Variants in CLUH observed in about 807,000 individuals in gnomAD.
The protein encoded by CLUH is CLUH binding protein of NUMT mRNA, also known as clustered mitochondria protein homolog.
Under a neutral mutation model 139.3 loss-of-function variants are expected in CLUH, and 77 were observed. The ratio of observed to expected loss-of-function variants is 0.55; its 90% confidence interval spans 0.46 to 0.67. The LOEUF is 0.67. Ranked by LOEUF, CLUH falls within the 30% of genes least tolerant of loss-of-function variation. The probability of loss-of-function intolerance (pLI) is 0.00; values close to 1 mark genes in which losing one functional copy is unlikely to be tolerated. For missense variants in CLUH, 1,876 were observed against 1,875.8 expected, an observed-to-expected ratio of 1.00 and a Z score of 0.00; for synonymous variants, 999 against 801.6, an observed-to-expected ratio of 1.25 and a Z score of -4.16.
chr17:2,696,223 C>T lies in CLUH; in HGVS notation c.2327G>A (p.Arg776Gln), dbSNP rs372428349. 1.7e-5 allele frequency: 27 copies of T among 1,576,406 alleles called. No individual in the cohort carries two copies. Among genetic ancestry groups the T allele is most frequent in the African/African-American group, 8.1e-5 (6 of 74,116 alleles). Residue 776 changes from arginine to glutamine, a missense_variant, in exon 13 of 26, where the codon CGG becomes CAG. Arg to Gln is a conservative substitution (Grantham distance 43, BLOSUM62 1). Coordinates refer to ENST00000651024, the MANE Select transcript of CLUH (RefSeq NM_001366661.1). ...GTCCTTCAGCAGCTGCTTCTGGTCC[C>T]GAACTTCATCCTGGCAGGACTCAGG... ...RFPESCQDEVRDQKQLLKDAA... is the reference protein window; with the variant it reads ...RFPESCQDEVQDQKQLLKDAA...
rs944923887 is a variant in CLUH, at chr17:2,696,198, G to A, written c.2352C>T (p.Asp784=). The change falls in exon 13 of 26, where the codon GAC becomes GAT. Residue 784 remains aspartate, a synonymous_variant. Coordinates refer to ENST00000651024, the MANE Select transcript of CLUH (RefSeq NM_001366661.1). ...EVRDQKQLLK[D]AAAFLLSCQI... Reference sequence around the variant, plus strand: ...GGCAGGAGAGCAGGAAGGCAGCCGCGTCCTTCAGCAGCTGCTTCTGGTCCC... The same window carrying A: ...GGCAGGAGAGCAGGAAGGCAGCCGCATCCTTCAGCAGCTGCTTCTGGTCCC... 89 of 1,573,958 alleles carry A rather than the reference G, an allele frequency of 5.7e-5. No homozygotes were observed. The highest frequency in any genetic ancestry group is 7.5e-5 in the Non-Finnish European group (87 of 1,160,460).
chr17:2,708,981 G>A lies in CLUH; in HGVS notation c.100+2581C>T, dbSNP rs569709598. ...TCTGAGGATGTGAGCTTTAGGGGAG[G>A]GGAAAAGGAGGTCTTCTGCAGAGCG... On this transcript the variant is annotated intron_variant, in intron 1 of 25. Transcript: ENST00000651024. Among the ~76,000 whole-genome samples, 165 of 152,288 alleles carry A rather than the reference G, an allele frequency of 1.1e-3. 1 individual carries two copies. The highest frequency in any genetic ancestry group is 2.1e-3 in the Non-Finnish European group (145 of 68,030).
In CLUH at chr17:2,703,402, G is replaced by A. The variant is rs770812924; in HGVS notation, c.391C>T (p.Leu131=). 2.5e-6 allele frequency: 4 copies of A among 1,613,670 alleles called. No homozygotes were observed. In the South Asian group the frequency reaches 3.3e-5, roughly 13 times the overall value. The change falls in exon 3 of 26, where the codon CTG becomes TTG. Residue 131 remains leucine, a synonymous_variant. Coordinates refer to ENST00000651024, the MANE Select transcript of CLUH (RefSeq NM_001366661.1). This position sits in a 1 kb window ranked among gnomAD's most constrained non-coding sequence, Gnocchi z 4.2. ...AAGTGGTCCAGCACGTTGCCATCCA[G>A]GTGCAGTGAGAAGCAGGTGCGGTGA... ...TCHRTCFSLH[L]DGNVLDHFSE... is the part of the protein sequence containing the mutation.
intron 16 of CLUH, 58 bp from the exon 17 acceptor site, chr17:2,694,622 G>T: frequency 1.4e-6 from 2 of 1,393,066 alleles, no homozygotes; most frequent in Non-Finnish European, 9.8e-7. Flanking sequence ...CCCCAACACC[G>T]CCCCACCCAG....
Position 2,707,404 on chromosome 17 carries a change from CCT to C in CLUH, c.101-2842_101-2841del. 1.0e-6 allele frequency: 1 copy of C among 985,426 alleles called. No individual in the cohort carries two copies. The highest frequency in any genetic ancestry group is 1.2e-6 in the Non-Finnish European group (1 of 829,916). The allele number at this position is 985,426 out of a possible 1,614,324, so 61.0% of individuals were successfully genotyped here. A position where few individuals can be genotyped will look rare whatever the true frequency, so the allele number is the denominator to read the frequency against. On this transcript the variant is annotated intron_variant, in intron 1 of 25. Transcript: ENST00000651024. The surrounding 1 kb of genome is among the most constrained non-coding windows in gnomAD (Gnocchi z 7.4). Reference sequence around the variant, plus strand: ...GCAGCCCCAGGAAGGGCACACTCCCCCTGCCTGGCATCCCGCTCAAGGTCGGC... The same window carrying C: ...GCAGCCCCAGGAAGGGCACACTCCCCGCCTGGCATCCCGCTCAAGGTCGGC...
rs761774207 is a variant in CLUH at position 2,692,490 on chromosome 17, C to A, written c.3439-8G>T. On this transcript the variant is annotated splice_polypyrimidine_tract_variant and splice_region_variant and intron_variant, in intron 21 of 25. Transcript: ENST00000651024. ...CACCAGCCCGATGTTGTTCTGGGGG[C>A]AGGCGGTGGGGGGCCCTGGTCAGCT... is the stretch of plus-strand genomic sequence containing the variant. 2.0e-5 allele frequency: 32 copies of A among 1,596,876 alleles called. No individual in the cohort carries two copies. The highest frequency in any genetic ancestry group is 2.7e-5 in the Non-Finnish European group (32 of 1,175,100).
In CLUH at chr17:2,696,858, ATTTTCCAGGGAGG is replaced by A. The variant is rs774150886; in HGVS notation, c.2033_2045del (p.Ser678LeufsTer34). On this transcript the variant is annotated frameshift_variant, in exon 11 of 26. Coordinates refer to ENST00000651024, the MANE Select transcript of CLUH (RefSeq NM_001366661.1). LOFTEE classifies it high-confidence loss of function. Reference sequence around the variant, plus strand: ...TGGACTCCAAGGAGGAAGGACCACCATTTTCCAGGGAGGAGGGGGTCTCCAGCTGGCTGGCGTT... The same window carrying A: ...TGGACTCCAAGGAGGAAGGACCACCAAGGGGGTCTCCAGCTGGCTGGCGTT... 1.2e-5 allele frequency: 19 copies of A among 1,613,406 alleles called. No individual in the cohort carries two copies. In the African/African-American group the frequency reaches 2.0e-4, roughly 17 times the overall value.
At chr17:2,699,452 G>A (rs564168953) in intron 9 of CLUH, among the ~76,000 whole-genome samples, 9 of 151,992 alleles carry the variant, frequency 5.9e-5, no homozygotes, top group African/African-American at 1.7e-4. Context: ...CCAGCCTCCC[G>A]AGTAGCTGGG....
rs771069678 is a variant in CLUH, at chr17:2,694,075, G to A, written c.3092-36C>T. ...CCCCCAGGGGTGGCAAGGTCAGGAC[G>A]GGCCATGGGGAACCCCCACCTCCAC... is the stretch of plus-strand genomic sequence containing the variant. On this transcript the variant is annotated intron_variant, in intron 18 of 25. Coordinates refer to ENST00000651024, the MANE Select transcript of CLUH (RefSeq NM_001366661.1). The A allele has an allele frequency of 3.9e-5, 63 of 1,613,708 alleles. 1 individual carries two copies. The Middle Eastern group carries it at 6.6e-4, about 17-fold the overall frequency.
Position 2,707,361 on chromosome 17 carries a change from G to T in CLUH, c.101-2797C>A. 1 of 985,350 alleles carries T rather than the reference G, an allele frequency of 1.0e-6. No homozygotes were observed. The highest frequency in any genetic ancestry group is 4.7e-5 in the South Asian group (1 of 21,284). The allele number at this position is 985,350 out of a possible 1,614,324, so 61.0% of individuals were successfully genotyped here. On this transcript the variant is annotated intron_variant, in intron 1 of 25. Coordinates refer to ENST00000651024, the MANE Select transcript of CLUH (RefSeq NM_001366661.1). This position sits in a 1 kb window ranked among gnomAD's most constrained non-coding sequence, Gnocchi z 7.4. ...GCTCCGGCTGGCTTCGGGTTTCAGT[G>T]GGGCCAGGCCTGCCATGGCAGCCCC...
At position 2,690,489 on chromosome 17, in the gene CLUH, G is replaced by T; in HGVS notation, c.*105C>A. 1.9e-6 allele frequency: 2 copies of T among 1,038,252 alleles called. No homozygotes were observed. Among genetic ancestry groups the T allele is most frequent in the Non-Finnish European group, 2.6e-6 (2 of 768,264 alleles). 64.3% of individuals were successfully genotyped at this position (1,038,252 alleles called of 1,614,324 possible). A position where few individuals can be genotyped will look rare whatever the true frequency, so the allele number is the denominator to read the frequency against. On this transcript the variant is annotated 3_prime_UTR_variant, in exon 26 of 26. Coordinates refer to ENST00000651024, the MANE Select transcript of CLUH (RefSeq NM_001366661.1). ...GGGTGGGGTGGGGTGAGACGTGGAG[G>T]AAGAGGGCCTTGCTTCCTCTTCCGC...
chr17:2,696,762 C>T lies in CLUH; in HGVS notation c.2142G>A (p.Lys714=), dbSNP rs369167784. 3 of 1,612,736 alleles carry T rather than the reference C, an allele frequency of 1.9e-6. No individual in the cohort carries two copies. In the South Asian group the frequency reaches 3.3e-5, roughly 18 times the overall value. The change falls in exon 11 of 26, where the codon AAG becomes AAA. Residue 714 remains lysine (K), a synonymous_variant. Transcript: ENST00000651024. The stretch of plus-strand genomic sequence containing the variant: ...CGATGGTCTCTGCCAGCTCCTTCAC[C>T]TTGGCCAGGCCGCTGGCGCTGCTAC... ...EEGSSASGLA[K]VKELAETIAA...
At position 2,692,877 on chromosome 17, in the gene CLUH, G is replaced by C. The variant is rs1019228001; in HGVS notation, c.3232-17C>G. 6.4e-7 allele frequency: 1 copy of C among 1,566,026 alleles called. No homozygotes were observed. The highest frequency in any genetic ancestry group is 8.7e-7 in the Non-Finnish European group (1 of 1,153,846). ...ACTCAGGGCCTGGGGAGAGACAGTG[G>C]TGGTTGCCGCGGCGTGGGAACCCCC... On this transcript the variant is annotated splice_polypyrimidine_tract_variant and intron_variant, in intron 19 of 25. Coordinates refer to ENST00000651024, the MANE Select transcript of CLUH (RefSeq NM_001366661.1).
At chr17:2,710,184 A>C (rs1022093782) in intron 1 of CLUH, among the ~76,000 whole-genome samples, 2 of 152,190 alleles carry the variant, frequency 1.3e-5, no homozygotes, top group Admixed American at 1.3e-4. Context: ...TGGGCAAGTC[A>C]CTTCGACTCT....
In CLUH at chr17:2,695,297, G is replaced by A. The variant is rs1429073317; in HGVS notation, c.2545-17C>T. 1.9e-6 allele frequency: 3 copies of A among 1,613,624 alleles called. No homozygotes were observed. The highest frequency in any genetic ancestry group is 2.2e-5 in the East Asian group (1 of 44,886). On this transcript the variant is annotated splice_polypyrimidine_tract_variant and intron_variant, in intron 14 of 25. Coordinates refer to ENST00000651024, the MANE Select transcript of CLUH (RefSeq NM_001366661.1). ...GCCGATTTTCTGGAAGGATTCAGAAGGGAGGTCTTGGTCAGGCCCCCGGCC... is the reference window on the plus strand; with the variant it reads ...GCCGATTTTCTGGAAGGATTCAGAAAGGAGGTCTTGGTCAGGCCCCCGGCC...
chr17:2,697,763 T>C (rs1242861025), intron 10 of CLUH, 133 bp downstream of exon 10: 1 of 883,332 alleles, frequency 1.1e-6, no homozygotes, highest in African/African-American at 1.7e-5. Flanking sequence ...GGGTCTCCAA[T>C]GACTGTGGCT....
At chr17:2,695,555 C>T (rs1384084978) in intron 13 of CLUH, 29 bp from the exon 14 acceptor site, 1 of 1,558,260 alleles carries the variant, frequency 6.4e-7, no homozygotes, top group African/African-American at 1.4e-5. Context: ...CAGGCCCCCA[C>T]CCAGCTCCTC....
In CLUH at chr17:2,706,981, T is replaced by G. The variant is rs1391357982; in HGVS notation, c.101-2417A>C. Reference sequence around the variant, plus strand: ...CTTCCCCAGCCCAGGGAGACGACCCTCAGGGGGTACCTATTCCCTATCCCG... The same window carrying G: ...CTTCCCCAGCCCAGGGAGACGACCCGCAGGGGGTACCTATTCCCTATCCCG... On this transcript the variant is annotated intron_variant, in intron 1 of 25. Coordinates refer to ENST00000651024, the MANE Select transcript of CLUH (RefSeq NM_001366661.1). This position sits in a 1 kb window ranked among gnomAD's most constrained non-coding sequence, Gnocchi z 4.6. Among the ~76,000 whole-genome samples, 1 of 152,176 alleles carries G rather than the reference T, an allele frequency of 6.6e-6. No individual in the cohort carries two copies. Among genetic ancestry groups the G allele is most frequent in the Non-Finnish European group, 1.5e-5 (1 of 68,018 alleles).
chr17:2,697,819 C>T, intron 10 of CLUH, 77 bp downstream of exon 10: 1 of 1,356,464 alleles, frequency 7.4e-7, no homozygotes, highest in Non-Finnish European at 9.7e-7. Context: ...CTTCAAGGAC[C>T]CAACCCCGGA....
Sources: gnomAD v4.1 joint callset for allele counts (sites outside exome capture counted in the v4.1 genomes callset) on GRCh38, gnomAD v4.1.1 for gene constraint, Gnocchi (gnomAD v3.1) non-coding constraint, MANE v1.5 for transcripts, NCBI Gene and HGNC (gene_info 2026-07-23, HGNC 2026-07-21) for gene names.